The following CTNNA3 variants were observed in gnomAD, a reference collection of about 807,000 sequenced individuals.
CTNNA3 encodes catenin alpha-3.
CTNNA3 carries 76 observed loss-of-function variants against 95.7 expected under a neutral mutation model. The ratio of observed to expected loss-of-function variants is 0.79; its 90% CI spans 0.66 to 0.96. CTNNA3 has a LOEUF of 0.96. Ranked by LOEUF, CTNNA3 falls within the 40% of genes least tolerant of loss-of-function variation. The probability of loss-of-function intolerance (pLI) is 0.00; values close to 1 mark genes in which losing one functional copy is unlikely to be tolerated. For synonymous variants in CTNNA3, 431 were observed against 374.4 expected (o/e 1.15, Z -1.74); for missense variants, 1,191 against 1,089.8 (o/e 1.09, Z -1.31).
intron 2 of CTNNA3, among the ~76,000 whole-genome samples, chr10:67,638,760 C>T (rs996142184): frequency 1.3e-5 from 2 of 152,174 alleles, no homozygotes; most frequent in African/African-American, 4.8e-5. Flanking sequence ...TGAATGACTA[C>T]TGGGTACATA....
At chr10:67,142,142 A>T (rs529321125) in intron 7 of CTNNA3, among the ~76,000 whole-genome samples, 78 of 152,314 alleles carry the variant, frequency 5.1e-4, no homozygotes, top group African/African-American at 1.8e-3. Flanking sequence ...AAAAAATAAC[A>T]TATATTAGGA....
chr10:66,766,096 A>G, intron 9 of CTNNA3, 168 bp downstream of exon 9: 1 of 533,128 alleles, frequency 1.9e-6, no homozygotes, highest in Middle Eastern at 5.2e-4. Context: ...GCCAATGTGG[A>G]GTGATCTATA....
intron 6 of CTNNA3, among the ~76,000 whole-genome samples, chr10:67,181,732 T>C (rs1219323773): frequency 1.3e-5 from 2 of 152,072 alleles, no homozygotes; most frequent in African/African-American, 2.4e-5. Flanking sequence ...TTCTGATAAA[T>C]ATTTGGGGAT....
In CTNNA3 at chr10:67,234,479, C is replaced by A. The variant is rs559256141; in HGVS notation, c.580-14609G>T. Among the ~76,000 whole-genome samples the A allele has an allele frequency of 7.8e-4, 119 of 152,322 alleles. No individual in the cohort carries two copies. In the Middle Eastern group the frequency reaches 0.014, roughly 17 times the overall value. ...AATTCAACAACCTTCATGCTAAAAA[C>A]TCTCAATAAATTAGGTATTGATGGG... On this transcript the variant is annotated intron_variant, in intron 5 of 17. Coordinates refer to ENST00000433211, the MANE Select transcript of CTNNA3 (RefSeq NM_013266.4).
At position 66,922,792 on chromosome 10, in the gene CTNNA3, AGTTTT is replaced by A. The variant is rs533084066; in HGVS notation, c.1048-147273_1048-147269del. ...TTGTAGCACATCATTCCTGTCATAT[AGTTTT>A]GTTTTATTTTTATTTTATTTTTTAT... On this transcript the variant is annotated intron_variant, in intron 7 of 17. Coordinates refer to ENST00000433211, the MANE Select transcript of CTNNA3 (RefSeq NM_013266.4). 6.4e-3 allele frequency among the ~76,000 whole-genome samples: 967 copies of A among 152,210 alleles called. 7 individuals carry two copies. The highest frequency in any genetic ancestry group is 0.01 in the Non-Finnish European group (691 of 68,008).
In CTNNA3 at chr10:66,597,537, TA is replaced by T. The variant is rs1564557967; in HGVS notation, c.1374+24154del. 3.4e-3 allele frequency among the ~76,000 whole-genome samples: 466 copies of T among 136,892 alleles called. 5 individuals carry two copies. Among genetic ancestry groups the T allele is most frequent in the African/African-American group, 0.011 (436 of 37,992 alleles). The allele number at this position is 136,892 out of a possible 152,430, so 89.8% of individuals were successfully genotyped here. ...ATATATATATATATATATATATATA[TA>T]TATATATATATATATATTTATTAAA... On this transcript the variant is annotated intron_variant, in intron 10 of 17. Transcript: ENST00000433211.
intron 10 of CTNNA3, among the ~76,000 whole-genome samples, chr10:66,570,113 T>C (rs1365216979): frequency 1.3e-5 from 2 of 152,082 alleles, no homozygotes; most frequent in East Asian, 3.9e-4. Context: ...ACAGGAGATA[T>C]GTTACCAAAA....
chr10:66,871,437 C>G (rs1214966151), intron 7 of CTNNA3, among the ~76,000 whole-genome samples: 1 of 151,820 alleles, frequency 6.6e-6, no homozygotes, highest in Non-Finnish European at 1.5e-5. Flanking sequence ...TGGTGGGTGC[C>G]TGTAATCCCA....
chr10:66,708,018 G>A (rs2132594551), intron 9 of CTNNA3, among the ~76,000 whole-genome samples: 1 of 152,110 alleles, frequency 6.6e-6, no homozygotes, highest in East Asian at 1.9e-4. Context: ...TCAATCTAGG[G>A]TCTTAGCTGA....
intron 11 of CTNNA3, among the ~76,000 whole-genome samples, chr10:66,390,925 A>G (rs2092928847): frequency 6.6e-6 from 1 of 152,130 alleles, no homozygotes. Flanking sequence ...TCTTCTTTCC[A>G]AAGTCTTAAT....
chr10:66,137,402 G>T (rs977671397), intron 13 of CTNNA3, among the ~76,000 whole-genome samples: 2 of 152,082 alleles, frequency 1.3e-5, no homozygotes, highest in Non-Finnish European at 2.9e-5. Flanking sequence ...AAAAAACAAA[G>T]TAGGAGGACT....
At chr10:67,154,863 T>C (rs931826585) in intron 7 of CTNNA3, among the ~76,000 whole-genome samples, 16 of 152,180 alleles carry the variant, frequency 1.1e-4, no homozygotes, top group Non-Finnish European at 2.1e-4. Context: ...TGAGCTCTTT[T>C]CCCCAGGAGG....
At chr10:66,778,416 G>C (rs899376067) in intron 7 of CTNNA3, among the ~76,000 whole-genome samples, 2 of 152,148 alleles carry the variant, frequency 1.3e-5, no homozygotes, top group Non-Finnish European at 2.9e-5. Flanking sequence ...TGAGACAAGA[G>C]ATGGAAATGG....
At chr10:66,763,341 C>CAGAGAGAGAGAGAGAGAGAG (rs1554848276) in intron 9 of CTNNA3, among the ~76,000 whole-genome samples, 1 of 139,104 alleles carries the variant, frequency 7.2e-6, no homozygotes, top group Non-Finnish European at 1.5e-5. Flanking sequence ...CACACACACA[C>CAGAGAGAGAGAGAGAGAGAG]AGAGAGAGAG....
chr10:66,501,072 T>G (rs1840262485), intron 11 of CTNNA3, among the ~76,000 whole-genome samples: 1 of 152,162 alleles, frequency 6.6e-6, no homozygotes, highest in Non-Finnish European at 1.5e-5. Context: ...TTTGCAAAAT[T>G]ATTTATAAAT....
chr10:66,864,485 C>T (rs1844083945), intron 7 of CTNNA3, among the ~76,000 whole-genome samples: 1 of 152,080 alleles, frequency 6.6e-6, no homozygotes, highest in Admixed American at 6.6e-5. Flanking sequence ...AATTTCTTTT[C>T]TGTATAAATT....
intron 6 of CTNNA3, among the ~76,000 whole-genome samples, chr10:67,216,375 T>C (rs763712656): frequency 9.9e-5 from 15 of 152,166 alleles, no homozygotes; most frequent in Middle Eastern, 3.2e-3. Flanking sequence ...TTTCCATCAC[T>C]ATAAATTCAT....
intron 3 of CTNNA3, among the ~76,000 whole-genome samples, chr10:67,592,399 C>A (rs1320606021): frequency 6.6e-6 from 1 of 152,090 alleles, no homozygotes; most frequent in African/African-American, 2.4e-5. Context: ...GTAACATTCC[C>A]TCCCACTCAC....
intron 13 of CTNNA3, among the ~76,000 whole-genome samples, chr10:66,132,932 A>G (rs1372105476): frequency 6.6e-6 from 1 of 152,172 alleles, no homozygotes; most frequent in African/African-American, 2.4e-5. Flanking sequence ...GAGGATCAGG[A>G]AAAATAACTG....
Sources: allele counts gnomAD v4.1 joint callset (sites outside exome capture counted in the v4.1 genomes callset), GRCh38; gene constraint gnomAD v4.1.1; transcripts MANE v1.5; gene names NCBI Gene and HGNC (gene_info 2026-07-23, HGNC 2026-07-21).